SLC16A7: variants seen among roughly 807,000 people sequenced by gnomAD.
SLC16A7 encodes the protein monocarboxylate transporter 2.
A neutral mutation model predicts 34.9 loss-of-function variants in SLC16A7; 33 were observed. The observed-to-expected ratio is 0.94, with a 90% CI of 0.72 to 1.26. The LOEUF is 1.26. Among genes scored for constraint, SLC16A7 ranks in the 50% most tolerant of loss-of-function variants. The pLI, the probability that SLC16A7 is intolerant of heterozygous loss-of-function variation, is 0.00. For missense variants in SLC16A7, 573 were observed against 578.1 expected (o/e 0.99, Z 0.09); for synonymous variants, 201 against 206.6 (o/e 0.97, Z 0.23).
At chr12:59,730,254 C>T (rs1212192420) in intron 3 of SLC16A7, among the ~76,000 whole-genome samples, 1 of 151,362 alleles carries the variant, frequency 6.6e-6, no homozygotes, top group South Asian at 2.1e-4. Flanking sequence ...GGCACCTCTC[C>T]GTTAGCACTG....
At chr12:59,657,937 A>C (rs1473516500) in intron 2 of SLC16A7, among the ~76,000 whole-genome samples, 1 of 151,972 alleles carries the variant, frequency 6.6e-6, no homozygotes, top group African/African-American at 2.4e-5. Flanking sequence ...TGCAGTTTTA[A>C]AATGTGCATA....
In SLC16A7 at chr12:59,787,321, A is replaced by G. The variant is rs1474483131; in HGVS notation, c.*7642A>G. The G allele has an allele frequency of 6.6e-6, 1 of 152,198 alleles. No individual in the cohort carries two copies. The highest frequency in any genetic ancestry group is 1.5e-5 in the Non-Finnish European group (1 of 68,038). The allele number at this position is 152,198 out of a possible 1,614,324, so 9.4% of individuals were successfully genotyped here. On this transcript the variant is annotated 3_prime_UTR_variant, in exon 6 of 6. Transcript: ENST00000547379. ...GATCTAAGAACCTGAACATATGTTA[A>G]TGAAATTATTAGAGTAAGTTCTATC...
intron 2 of SLC16A7, among the ~76,000 whole-genome samples, chr12:59,669,652 T>TCTCACACACACACACACACA: frequency 7.2e-6 from 1 of 139,614 alleles, no homozygotes; most frequent in Middle Eastern, 3.6e-3. Context: ...CCATAGATAG[T>TCTCACACACACACACACACA]CACACACACA....
chr12:59,600,070 C>T (rs552585171), intron 1 of SLC16A7, among the ~76,000 whole-genome samples: 152 of 152,196 alleles, frequency 1.0e-3, no homozygotes, highest in Non-Finnish European at 1.7e-3. Context: ...CTTTAAGTCT[C>T]GGTTTCTTCA....
intron 3 of SLC16A7, among the ~76,000 whole-genome samples, chr12:59,724,562 T>C (rs901565492): frequency 1.3e-5 from 2 of 152,006 alleles, no homozygotes; most frequent in African/African-American, 4.8e-5. Flanking sequence ...TACCACAGAT[T>C]AGCAAATTCA....
At chr12:59,600,624 A>G (rs1878637742) in intron 1 of SLC16A7, among the ~76,000 whole-genome samples, 1 of 152,170 alleles carries the variant, frequency 6.6e-6, no homozygotes, top group African/African-American at 2.4e-5. Context: ...AATAAATAAC[A>G]CTTATCACAC....
chr12:59,663,490 T>C (rs79297227), intron 2 of SLC16A7, among the ~76,000 whole-genome samples: 6,877 of 152,140 alleles, frequency 0.045, 213 homozygotes, highest in Non-Finnish European at 0.069. Flanking sequence ...TAATCACTTA[T>C]ATCACATTTT....
chr12:59,764,054 C>T (rs1290994567), intron 3 of SLC16A7: 1 of 152,166 alleles, frequency 6.6e-6, no homozygotes, highest in East Asian at 1.9e-4. Context: ...AGTTGCAAGT[C>T]TCTCATTTGA....
chr12:59,670,531 C>G (rs1869591383), intron 2 of SLC16A7, among the ~76,000 whole-genome samples: 1 of 152,102 alleles, frequency 6.6e-6, no homozygotes, highest in Non-Finnish European at 1.5e-5. Flanking sequence ...CTCTCTAAAT[C>G]AATTATGGGT....
rs1883501258 is a variant in SLC16A7, at chr12:59,784,810, T to C, written c.*5131T>C. 6.6e-6 allele frequency: 1 copy of C among 152,206 alleles called. No homozygotes were observed. Among genetic ancestry groups the C allele is most frequent in the Admixed American group, 6.5e-5 (1 of 15,276 alleles). The allele number at this position is 152,206 out of a possible 1,614,324, so 9.4% of individuals were successfully genotyped here. ...TGATTTTAGAGTCTTGAAAAACTGATCTTCTTTGGCACTATCCTGAATGTT... is the reference window on the plus strand; with the variant it reads ...TGATTTTAGAGTCTTGAAAAACTGACCTTCTTTGGCACTATCCTGAATGTT... On this transcript the variant is annotated 3_prime_UTR_variant, in exon 6 of 6. Coordinates refer to ENST00000547379, the MANE Select transcript of SLC16A7 (RefSeq NM_001270623.2).
In SLC16A7 at chr12:59,780,310, G is replaced by C. The variant is rs1883151924; in HGVS notation, c.*631G>C. ...ATGTTGGTTTTAAAGATAAGCACAT[G>C]GGTAAAAATGAGGGTGATCCTTATT... On this transcript the variant is annotated 3_prime_UTR_variant, in exon 6 of 6. Coordinates refer to ENST00000547379, the MANE Select transcript of SLC16A7 (RefSeq NM_001270623.2). 1 of 151,978 alleles carries C rather than the reference G, an allele frequency of 6.6e-6. No individual in the cohort carries two copies. The highest frequency in any genetic ancestry group is 2.4e-5 in the African/African-American group (1 of 41,392). 9.4% of individuals were successfully genotyped at this position (151,978 alleles called of 1,614,324 possible). A position where few individuals can be genotyped will look rare whatever the true frequency, so the allele number is the denominator to read the frequency against.
intron 1 of SLC16A7, among the ~76,000 whole-genome samples, chr12:59,634,135 C>T (rs1340585809): frequency 6.6e-6 from 1 of 152,052 alleles, no homozygotes; most frequent in Non-Finnish European, 1.5e-5. Context: ...AATCTGCCAA[C>T]TCTGGAATCC....
intron 1 of SLC16A7, among the ~76,000 whole-genome samples, chr12:59,621,164 A>T (rs557318526): frequency 6.6e-6 from 1 of 151,960 alleles, no homozygotes; most frequent in Admixed American, 6.6e-5. Flanking sequence ...CTTGAATTTC[A>T]TGTTCCTCTG....
At chr12:59,735,804 A>G (rs1877521837) in intron 3 of SLC16A7, 1 of 221,444 alleles carries the variant, frequency 4.5e-6, no homozygotes, top group African/African-American at 2.3e-5. Context: ...ATTTTGCAGA[A>G]TAAGTAATAT....
intron 3 of SLC16A7, among the ~76,000 whole-genome samples, chr12:59,744,322 A>C (rs1207814715): frequency 6.6e-6 from 1 of 151,992 alleles, no homozygotes. Flanking sequence ...GCAGCTGGAC[A>C]TTAGAGATTA....
chr12:59,611,381 C>T (rs1030582952), intron 1 of SLC16A7, among the ~76,000 whole-genome samples: 18 of 152,286 alleles, frequency 1.2e-4, no homozygotes, highest in African/African-American at 3.6e-4. Flanking sequence ...CGATCACTAT[C>T]ATGAGAACAG....
chr12:59,715,493 C>G (rs531735349), intron 3 of SLC16A7, among the ~76,000 whole-genome samples: 1 of 152,204 alleles, frequency 6.6e-6, no homozygotes, highest in South Asian at 2.1e-4. Context: ...AGAAGAATTA[C>G]CAACTAAAAG....
At chr12:59,614,710 C>T (rs1879357505) in intron 1 of SLC16A7, among the ~76,000 whole-genome samples, 1 of 149,126 alleles carries the variant, frequency 6.7e-6, no homozygotes, top group Admixed American at 6.8e-5. Context: ...TCCAGCCGGG[C>T]ATGGTGGCTC....
intron 1 of SLC16A7, among the ~76,000 whole-genome samples, chr12:59,620,357 G>GA (rs780931130): frequency 1.5e-3 from 228 of 150,712 alleles, no homozygotes; most frequent in Non-Finnish European, 2.4e-3. Flanking sequence ...CCTTTCCTCT[G>GA]AAAAAAAAAT....
Sources: allele counts gnomAD v4.1 joint callset (sites outside exome capture counted in the v4.1 genomes callset), GRCh38; gene constraint gnomAD v4.1.1; transcripts MANE v1.5; gene names NCBI Gene and HGNC (gene_info 2026-07-23, HGNC 2026-07-21).